Variants in RIPK4 observed in about 807,000 individuals in gnomAD.
The protein encoded by RIPK4 is receptor interacting serine/threonine kinase 4, also known as receptor-interacting serine/threonine-protein kinase 4.
RIPK4 carries 17 observed loss-of-function variants against 42.9 expected under a neutral mutation model. That is an observed-to-expected ratio of 0.40 (90% CI 0.27 to 0.59). RIPK4 has a LOEUF of 0.59. RIPK4 is among the 20% of genes least tolerant of loss of function. RIPK4 has a pLI of 0.47. For missense variants in RIPK4, 897 were observed against 1,104.4 expected (o/e 0.81, Z 2.66); for synonymous variants, 498 against 499.1 (o/e 1.00, Z 0.03).
In RIPK4 at chr21:41,756,691, G is replaced by A; in HGVS notation, c.308C>T (p.Ser103Phe). The change falls in exon 2 of 8, where the codon TCC becomes TTC. Residue 103 changes from serine to phenylalanine, a missense_variant. Physicochemically the swap from Ser to Phe is radical, Grantham distance 155 (BLOSUM62 -2). Coordinates refer to ENST00000332512, the MANE Select transcript of RIPK4 (RefSeq NM_020639.3). ...CTCCGAAGCCAGCAGCTTTTCCAGGGAGCCCGTCTCCATGTACTCCATGAC... is the reference window on the plus strand; with the variant it reads ...CTCCGAAGCCAGCAGCTTTTCCAGGAAGCCCGTCTCCATGTACTCCATGAC... ...GLVMEYMETG[S>F]LEKLLASEPL... The A allele has an allele frequency of 6.2e-7, 1 of 1,614,226 alleles. No individual in the cohort carries two copies. Among genetic ancestry groups the A allele is most frequent in the Non-Finnish European group, 8.5e-7 (1 of 1,180,044 alleles).
intron 4 of RIPK4, chr21:41,746,988 C>T: frequency 1.7e-6 from 1 of 573,928 alleles, no homozygotes; most frequent in Non-Finnish European, 3.0e-6. Flanking sequence ...TTGAAATCGA[C>T]CTCTTTCCCT....
At chr21:41,759,267 G>A (rs1246217704) in intron 1 of RIPK4, among the ~76,000 whole-genome samples, 2 of 151,962 alleles carry the variant, frequency 1.3e-5, no homozygotes, top group Non-Finnish European at 2.9e-5. Flanking sequence ...CTAATTTTTT[G>A]TATTTTTAGT....
In RIPK4 at chr21:41,740,661, C is replaced by T; in HGVS notation, c.*177G>A. The T allele has an allele frequency of 3.1e-6, 2 of 638,606 alleles. No homozygotes were observed. The highest frequency in any genetic ancestry group is 5.3e-6 in the Non-Finnish European group (2 of 378,668). The allele number at this position is 638,606 out of a possible 1,614,324, so 39.6% of individuals were successfully genotyped here. On this transcript the variant is annotated 3_prime_UTR_variant, in exon 8 of 8. Transcript: ENST00000332512. ...GGCATGTGCACCTGAGCCAGCTTCA[C>T]CTGGAGGGGACACTCCGGTCAGCAG...
rs2061199769 is a variant in RIPK4 at position 41,755,227 on chromosome 21, A to G, written c.474+1298T>C. ...CCAGAGAGCCCGTTCAAGCCAAGTC[A>G]TTTGATTTTTGTCTCCATTATCTCA... is the stretch of plus-strand genomic sequence containing the variant. On this transcript the variant is annotated intron_variant, in intron 2 of 7. Transcript: ENST00000332512. This position sits in a 1 kb window ranked among gnomAD's most constrained non-coding sequence, Gnocchi z 4.2. Among the ~76,000 whole-genome samples the G allele has an allele frequency of 6.6e-6, 1 of 152,198 alleles. No individual in the cohort carries two copies. Among genetic ancestry groups the G allele is most frequent in the Non-Finnish European group, 1.5e-5 (1 of 68,034 alleles).
rs144179743 is a variant in RIPK4, at chr21:41,746,633, C to T, written c.812G>A (p.Arg271Gln). 3.1e-4 allele frequency: 494 copies of T among 1,610,440 alleles called. No individual in the cohort carries two copies. Among genetic ancestry groups the T allele is most frequent in the Non-Finnish European group, 3.9e-4 (456 of 1,179,738 alleles). The change falls in exon 5 of 8, where the codon CGA becomes CAA. Residue 271 changes from arginine to glutamine, a missense_variant. Coordinates refer to ENST00000332512, the MANE Select transcript of RIPK4 (RefSeq NM_020639.3). ...CTCACCTTGGAAGGTGGGCCTAACT[C>T]GCGGATCCCCCTGCCAGCACCGCTG... ...LMQRCWQGDP[R>Q]VRPTFQEITS...
intron 1 of RIPK4, among the ~76,000 whole-genome samples, chr21:41,757,998 C>CAAAAAAAAAA (rs530283443): frequency 2.3e-4 from 3 of 13,080 alleles, no homozygotes; most frequent in Admixed American, 1.5e-3. Flanking sequence ...GACTCCATAA[C>CAAAAAAAAAA]AAAAAAAAAA....
At position 41,746,761 on chromosome 21, in the gene RIPK4, GTTC is replaced by G; in HGVS notation, c.681_683del (p.Lys227del). The G allele has an allele frequency of 6.3e-7, 1 of 1,594,908 alleles. No homozygotes were observed. The highest frequency in any genetic ancestry group is 8.5e-7 in the Non-Finnish European group (1 of 1,171,264). Reference sequence around the variant, plus strand: ...CCACCTTCACCATGATGTGCAGGATGTTCTTCTCATCTGCCAAGGGAAGGATGC... The same window carrying G: ...CCACCTTCACCATGATGTGCAGGATGTTCTCATCTGCCAAGGGAAGGATGC... On this transcript the variant is annotated inframe_deletion, in exon 5 of 8. Transcript: ENST00000332512.
chr21:41,760,915 G>C (rs2061218575), intron 1 of RIPK4, among the ~76,000 whole-genome samples: 2 of 152,204 alleles, frequency 1.3e-5, no homozygotes, highest in South Asian at 4.1e-4. Context: ...CTAGCGCTCT[G>C]GTTAAATGAC....
chr21:41,753,032 A>G (rs1228301207), intron 2 of RIPK4, among the ~76,000 whole-genome samples: 2 of 152,194 alleles, frequency 1.3e-5, no homozygotes, highest in South Asian at 2.1e-4. Flanking sequence ...AAAGCATCAC[A>G]TACTTTCTAG....
chr21:41,763,086 C>A (rs1601685686), intron 1 of RIPK4, among the ~76,000 whole-genome samples: 1 of 152,142 alleles, frequency 6.6e-6, no homozygotes, highest in Admixed American at 6.5e-5. Flanking sequence ...TCTGCTTCCA[C>A]GCAGGAACGG....
Position 41,766,885 on chromosome 21 carries a change from A to G in RIPK4, c.157T>C (p.Ser53Pro). 1 of 1,610,064 alleles carries G rather than the reference A, an allele frequency of 6.2e-7. No individual in the cohort carries two copies. Among genetic ancestry groups the G allele is most frequent in the African/African-American group, 1.3e-5 (1 of 74,464 alleles). The change falls in exon 1 of 8, where the codon TCG (serine) becomes CCG (proline). Residue 53 changes from serine to proline, a missense_variant. Coordinates refer to ENST00000332512, the MANE Select transcript of RIPK4 (RefSeq NM_020639.3). ...HWKTWLAIKC[S>P]PSLHVDDRER... The stretch of plus-strand genomic sequence containing the variant: ...CTGTCGTCGACGTGCAGGCTGGGCG[A>G]GCACTTGATGGCCAGCCAGGTCTTC...
rs768512721 is a variant in RIPK4 at position 41,746,622 on chromosome 21, T to C, written c.823A>G (p.Thr275Ala). ...CWQGDPRVRP[T>A]FQEITSETED... The stretch of plus-strand genomic sequence containing the variant: ...ACCCCGGGGTGCTCACCTTGGAAGG[T>C]GGGCCTAACTCGCGGATCCCCCTGC... Residue 275 changes from threonine (T) to alanine (A), a missense_variant, in exon 5 of 8, where the codon ACC becomes GCC. By Grantham distance (58) the Thr-to-Ala change is moderately conservative (BLOSUM62 0). Coordinates refer to ENST00000332512, the MANE Select transcript of RIPK4 (RefSeq NM_020639.3). 1 of 1,609,040 alleles carries C rather than the reference T, an allele frequency of 6.2e-7. No individual in the cohort carries two copies. Among genetic ancestry groups the C allele is most frequent in the Admixed American group, 1.7e-5 (1 of 59,948 alleles).
chr21:41,744,310 G>A (rs1254291517), intron 6 of RIPK4, among the ~76,000 whole-genome samples, 170 bp from the exon 7 acceptor site: 8 of 152,182 alleles, frequency 5.3e-5, no homozygotes, highest in African/African-American at 1.9e-4. Context: ...CTCAGACCCC[G>A]CATCGGCACA....
chr21:41,751,288 G>A lies in RIPK4; in HGVS notation c.475-43C>T, dbSNP rs1448852364. The A allele has an allele frequency of 1.9e-6, 3 of 1,605,708 alleles. No homozygotes were observed. The highest frequency in any genetic ancestry group is 2.7e-5 in the African/African-American group (2 of 74,618). ...GAGCGGGGCTCATTAGCCTGCAACA[G>A]TGATATTTTATGATGCTTTATCAAA... is the stretch of plus-strand genomic sequence containing the variant. On this transcript the variant is annotated intron_variant, in intron 2 of 7. Coordinates refer to ENST00000332512, the MANE Select transcript of RIPK4 (RefSeq NM_020639.3). This position sits in a 1 kb window ranked among gnomAD's most constrained non-coding sequence, Gnocchi z 4.5.
At position 41,755,192 on chromosome 21, in the gene RIPK4, C is replaced by T. The variant is rs1297898653; in HGVS notation, c.474+1333G>A. ...AGGGGTCCCAGAACATAAGCAGATG[C>T]GGGAAACCACCAGAGAGCCCGTTCA... is the stretch of plus-strand genomic sequence containing the variant. On this transcript the variant is annotated intron_variant, in intron 2 of 7. Coordinates refer to ENST00000332512, the MANE Select transcript of RIPK4 (RefSeq NM_020639.3). This position sits in a 1 kb window ranked among gnomAD's most constrained non-coding sequence, Gnocchi z 4.2. Among the ~76,000 whole-genome samples the T allele has an allele frequency of 3.3e-5, 5 of 152,128 alleles. No homozygotes were observed. Among genetic ancestry groups the T allele is most frequent in the Non-Finnish European group, 7.4e-5 (5 of 68,020 alleles).
chr21:41,743,007 C>T (rs1056866401), intron 7 of RIPK4, among the ~76,000 whole-genome samples: 1 of 152,120 alleles, frequency 6.6e-6, no homozygotes, highest in Non-Finnish European at 1.5e-5. Context: ...CCTCCTTTGC[C>T]CCCAATATTC....
intron 6 of RIPK4, 145 bp downstream of exon 6, chr21:41,745,614 A>G: frequency 4.7e-6 from 3 of 634,700 alleles, no homozygotes. Context: ...TGGGACCTAC[A>G]CTTCTAATGG....
rs1458783397 is a variant in RIPK4, at chr21:41,743,051, A to G, written c.1195+831T>C. Among the ~76,000 whole-genome samples the G allele has an allele frequency of 3.9e-5, 6 of 152,234 alleles. 1 individual carries two copies. In the South Asian group the frequency reaches 1.2e-3, roughly 32 times the overall value. ...AAATCCCGGGAAGTCTGTAAGATCC[A>G]GGAAAAGTCTTTGCCTCCAAGAGGA... On this transcript the variant is annotated intron_variant, in intron 7 of 7. Coordinates refer to ENST00000332512, the MANE Select transcript of RIPK4 (RefSeq NM_020639.3).
At position 41,746,728 on chromosome 21, in the gene RIPK4, G is replaced by A. The variant is rs753385569; in HGVS notation, c.717C>T (p.Gly239=). 6 of 1,607,970 alleles carry A rather than the reference G, an allele frequency of 3.7e-6. No homozygotes were observed. In the African/African-American group the frequency reaches 6.7e-5, roughly 18 times the overall value. The change falls in exon 5 of 8, where the codon GGC becomes GGT. Residue 239 remains glycine, a synonymous_variant. Transcript: ENST00000332512. ...ACACGGGCGGCAGCTCGGGGCGGTG[G>A]CCCTTCACCACCTTCACCATGATGT... The part of the protein sequence containing the change: ...ILHIMVKVVK[G]HRPELPPVCR...
Sources: gnomAD v4.1 joint callset for allele counts (sites outside exome capture counted in the v4.1 genomes callset) on GRCh38, gnomAD v4.1.1 for gene constraint, Gnocchi (gnomAD v3.1) non-coding constraint, MANE v1.5 for transcripts, NCBI Gene and HGNC (gene_info 2026-07-23, HGNC 2026-07-21) for gene names.